GCC2: variants seen among roughly 807,000 people sequenced by gnomAD.
GCC2 encodes the protein GRIP and coiled-coil domain containing 2, also known as GRIP and coiled-coil domain-containing protein 2.
Under a neutral mutation model 210.6 loss-of-function variants are expected in GCC2, and 120 were observed. The observed-to-expected ratio is 0.57, with a 90% confidence interval of 0.49 to 0.66. The LOEUF is 0.66. GCC2 is among the 30% of genes least tolerant of loss of function. The probability of loss-of-function intolerance (pLI) is 0.00; values close to 1 mark genes in which losing one functional copy is unlikely to be tolerated. For synonymous variants in GCC2, 703 were observed against 652.7 expected (o/e 1.08, Z -1.17); for missense variants, 1,868 against 1,871.9 (o/e 1.00, Z 0.04).
At position 108,501,082 on chromosome 2, in the gene GCC2, G is replaced by A. The variant is rs139484737; in HGVS notation, c.4984+1328G>A. On this transcript the variant is annotated intron_variant, in intron 22 of 22. Coordinates refer to ENST00000309863, the MANE Select transcript of GCC2 (RefSeq NM_181453.4). ...CCGATCATGGCTCACTGCAACCTCCGCCTCCCAGATTCAAGCGATTCTCCT... is the reference window on the plus strand; with the variant it reads ...CCGATCATGGCTCACTGCAACCTCCACCTCCCAGATTCAAGCGATTCTCCT... Among the ~76,000 whole-genome samples the A allele has an allele frequency of 9.2e-4, 139 of 151,282 alleles. 1 individual carries two copies. The highest frequency in any genetic ancestry group is 1.3e-3 in the Non-Finnish European group (85 of 67,940).
At chr2:108,477,745 AC>A (rs1328606983) in intron 9 of GCC2, among the ~76,000 whole-genome samples, 1 of 152,184 alleles carries the variant, frequency 6.6e-6, no homozygotes, top group African/African-American at 2.4e-5. Flanking sequence ...ACTTTTTCAA[AC>A]TTTAGATACT....
At chr2:108,507,405 A>ACTC (rs1553445712) in intron 22 of GCC2, 155 bp from the exon 23 acceptor site, 1 of 262,532 alleles carries the variant, frequency 3.8e-6, no homozygotes, top group East Asian at 1.4e-4. Context: ...AAAAAAAAGA[A>ACTC]CCCCCCCCCC....
Position 108,489,876 on chromosome 2 carries a change from A to C in GCC2, c.4091A>C (p.Lys1364Thr). 6.2e-7 allele frequency: 1 copy of C among 1,607,584 alleles called. No individual in the cohort carries two copies. The highest frequency in any genetic ancestry group is 8.5e-7 in the Non-Finnish European group (1 of 1,177,526). ...ATGCTGATTGACCAGCTAAAAATCA[A>C]ATTACAAGATAGCCAAAATAACTTA... ...LEMLIDQLKI[K>T]LQDSQNNLQI... Residue 1364 changes from lysine to threonine, a missense_variant, in exon 18 of 23, where the codon AAA becomes ACA. Coordinates refer to ENST00000309863, the MANE Select transcript of GCC2 (RefSeq NM_181453.4).
chr2:108,475,722 C>T lies in GCC2; in HGVS notation c.2962-30C>T, dbSNP rs1681478450. On this transcript the variant is annotated intron_variant, in intron 8 of 22. Transcript: ENST00000309863. Reference sequence around the variant, plus strand: ...TCTATCCATTAAAAAAAAACAAAAACCTCTTTAATTTTACTTGTGTTTAAA... The same window carrying T: ...TCTATCCATTAAAAAAAAACAAAAATCTCTTTAATTTTACTTGTGTTTAAA... The T allele has an allele frequency of 2.6e-6, 4 of 1,512,224 alleles. No individual in the cohort carries two copies. The East Asian group carries it at 9.1e-5, about 34-fold the overall frequency. 93.7% of individuals were successfully genotyped at this position (1,512,224 alleles called of 1,614,324 possible).
At chr2:108,449,450 C>T (rs1238354217) in intron 1 of GCC2, among the ~76,000 whole-genome samples, 170 bp downstream of exon 1, 1 of 152,200 alleles carries the variant, frequency 6.6e-6, no homozygotes, top group African/African-American at 2.4e-5. Context: ...GTTACCTGCC[C>T]CGTAGAGCCC....
chr2:108,486,904 C>A (rs1439855295), intron 16 of GCC2, among the ~76,000 whole-genome samples: 7 of 152,130 alleles, frequency 4.6e-5, no homozygotes, highest in Non-Finnish European at 1.0e-4. Context: ...TTATGTGTCA[C>A]TTATTTATAA....
At chr2:108,504,403 A>AACAC (rs1341749520) in intron 22 of GCC2, among the ~76,000 whole-genome samples, 2 of 152,226 alleles carry the variant, frequency 1.3e-5, no homozygotes, top group African/African-American at 4.8e-5. Flanking sequence ...CCTTATAATT[A>AACAC]ACACATATTA....
intron 18 of GCC2, 183 bp downstream of exon 18, chr2:108,490,197 G>A: frequency 2.4e-6 from 1 of 417,298 alleles, no homozygotes; most frequent in Non-Finnish European, 4.3e-6. Context: ...TTTGTATTTT[G>A]CATTTTTAAG....
intron 22 of GCC2, among the ~76,000 whole-genome samples, chr2:108,504,966 C>T (rs1481783199): frequency 1.3e-5 from 2 of 152,148 alleles, no homozygotes; most frequent in African/African-American, 2.4e-5. Flanking sequence ...AATGCATACT[C>T]ACACTGTAAG....
rs1477311394 is a variant in GCC2 at position 108,508,538 on chromosome 2, T to C, written c.*908T>C. 2.1e-5 allele frequency: 3 copies of C among 143,692 alleles called. No individual in the cohort carries two copies. Among genetic ancestry groups the C allele is most frequent in the Non-Finnish European group, 4.5e-5 (3 of 66,224 alleles). 8.9% of individuals were successfully genotyped at this position (143,692 alleles called of 1,614,324 possible). A position where few individuals can be genotyped will look rare whatever the true frequency, so the allele number is the denominator to read the frequency against. On this transcript the variant is annotated 3_prime_UTR_variant, in exon 23 of 23. Coordinates refer to ENST00000309863, the MANE Select transcript of GCC2 (RefSeq NM_181453.4). ...TGTCACTGCATGCAAGCCATGAATC[T>C]GTTTTGAGAATCCTCTCCATTTTCC... is the stretch of plus-strand genomic sequence containing the variant.
At chr2:108,466,828 T>C (rs1215823497) in intron 4 of GCC2, among the ~76,000 whole-genome samples, 1 of 152,222 alleles carries the variant, frequency 6.6e-6, no homozygotes, top group Non-Finnish European at 1.5e-5. Context: ...TCTTAATCCA[T>C]CTGGAGTTTA....
intron 4 of GCC2, among the ~76,000 whole-genome samples, chr2:108,461,220 C>T (rs1680552162): frequency 6.6e-6 from 1 of 151,938 alleles, no homozygotes. Context: ...TGTAAGCTTC[C>T]TACTGAGAAA....
chr2:108,469,907 G>C lies in GCC2; in HGVS notation c.578G>C (p.Gly193Ala). Residue 193 changes from glycine (G) to alanine (A), a missense_variant, in exon 6 of 23, where the codon GGC becomes GCC. Around this residue, in one of 3 missense-constraint regions of GCC2, gnomAD observed 1,847 missense variants for 1,765.2 expected, o/e 1.05. Coordinates refer to ENST00000309863, the MANE Select transcript of GCC2 (RefSeq NM_181453.4). ...LQEEIEKIRP[G>A]FEEQILYLQK... ...GAAGAGATTGAGAAAATTAGGCCAGGCTTTGAGGAGCAAATTTTATATCTG... is the reference window on the plus strand; with the variant it reads ...GAAGAGATTGAGAAAATTAGGCCAGCCTTTGAGGAGCAAATTTTATATCTG... 1.2e-6 allele frequency: 2 copies of C among 1,613,554 alleles called. No individual in the cohort carries two copies. Among genetic ancestry groups the C allele is most frequent in the Non-Finnish European group, 1.7e-6 (2 of 1,179,748 alleles).
intron 9 of GCC2, among the ~76,000 whole-genome samples, chr2:108,476,842 A>G (rs1681559346): frequency 6.6e-6 from 1 of 152,192 alleles, no homozygotes; most frequent in African/African-American, 2.4e-5. Context: ...ATACAAAAAT[A>G]GAAGATACAT....
At chr2:108,493,050 T>A (rs368029759) in intron 19 of GCC2, among the ~76,000 whole-genome samples, 1 of 151,878 alleles carries the variant, frequency 6.6e-6, no homozygotes, top group Non-Finnish European at 1.5e-5. Flanking sequence ...TGGAAAGGAG[T>A]ATTTCTTTTT....
intron 9 of GCC2, among the ~76,000 whole-genome samples, chr2:108,479,538 G>A (rs980273494): frequency 6.6e-6 from 1 of 152,138 alleles, no homozygotes; most frequent in African/African-American, 2.4e-5. Context: ...CTACTTGGGA[G>A]GCTGAGGGAG....
intron 7 of GCC2, 173 bp from the exon 8 acceptor site, chr2:108,475,362 C>A: frequency 2.3e-6 from 1 of 431,518 alleles, no homozygotes; most frequent in Non-Finnish European, 4.1e-6. Flanking sequence ...CATTGTTTGT[C>A]TCACATAATG....
chr2:108,476,860 A>C (rs1681560587), intron 9 of GCC2, among the ~76,000 whole-genome samples: 1 of 152,180 alleles, frequency 6.6e-6, no homozygotes. Flanking sequence ...CATACTGTGT[A>C]GAAAAGTAAG....
intron 13 of GCC2, 81 bp from the exon 14 acceptor site, chr2:108,485,555 C>A: frequency 1.3e-6 from 1 of 742,864 alleles, no homozygotes; most frequent in Non-Finnish European, 2.2e-6. Context: ...CAAGCCAATA[C>A]AAAGAAGACA....
Sources: allele counts gnomAD v4.1 joint callset (sites outside exome capture counted in the v4.1 genomes callset), GRCh38; gene constraint gnomAD v4.1.1; regional missense constraint gnomAD v4.1.1; transcripts MANE v1.5; gene names NCBI Gene and HGNC (gene_info 2026-07-23, HGNC 2026-07-21).